Variants in CCDC171 observed in about 807,000 individuals in gnomAD.
CCDC171 encodes the protein coiled-coil domain-containing protein 171.
CCDC171 carries 177 observed loss-of-function variants against 168.2 expected under a neutral mutation model. That is an observed-to-expected ratio of 1.05 (90% CI 0.93 to 1.19). The LOEUF is 1.19. Among genes scored for constraint, CCDC171 ranks in the 50% most tolerant of loss-of-function variants. CCDC171 has a pLI of 0.00. For synonymous variants in CCDC171, 687 were observed against 540.8 expected (o/e 1.27, Z -3.75); for missense variants, 1,991 against 1,539.0 (o/e 1.29, Z -4.91).
rs925734688 is a variant in CCDC171 at position 15,825,036 on chromosome 9, C to G, written c.3268-21666C>G. On this transcript the variant is annotated intron_variant, in intron 21 of 25. Transcript: ENST00000380701. ...TTTTTACTTTTCTCCTGCTCTAACTCTCCCAAAGTTCCTCTTGTGGTATGG... is the reference window on the plus strand; with the variant it reads ...TTTTTACTTTTCTCCTGCTCTAACTGTCCCAAAGTTCCTCTTGTGGTATGG... Among the ~76,000 whole-genome samples the G allele has an allele frequency of 5.9e-5, 9 of 152,198 alleles. No individual in the cohort carries two copies. In the East Asian group the frequency reaches 1.7e-3, roughly 29 times the overall value.
chr9:16,102,393 C>T, the CCDC171 span, among the ~76,000 whole-genome samples: 1 of 151,166 alleles, frequency 6.6e-6, no homozygotes, highest in African/African-American at 2.4e-5. Flanking sequence ...GATGTAGTTG[C>T]TGGCTCGCTA....
chr9:16,090,895 G>A, the CCDC171 span, among the ~76,000 whole-genome samples: 2 of 152,304 alleles, frequency 1.3e-5, no homozygotes, highest in East Asian at 3.9e-4. Context: ...CAGGACAATA[G>A]GAGAAGTAAT....
rs575819016 is a variant in CCDC171 at position 15,904,200 on chromosome 9, G to C, written c.3601-16070G>C. Among the ~76,000 whole-genome samples the C allele has an allele frequency of 1.1e-4, 16 of 152,214 alleles. No individual in the cohort carries two copies. The East Asian group carries it at 2.9e-3, about 28-fold the overall frequency. On this transcript the variant is annotated intron_variant, in intron 24 of 25. Coordinates refer to ENST00000380701, the MANE Select transcript of CCDC171 (RefSeq NM_173550.4). Reference sequence around the variant, plus strand: ...ATGCCACAAAGATACTCCTCGAGAAGAGCAACTCCAAGACACATAATTGTC... The same window carrying C: ...ATGCCACAAAGATACTCCTCGAGAACAGCAACTCCAAGACACATAATTGTC...
At chr9:16,015,909 T>A (rs1833001810) in intron 3 of CCDC171, among the ~76,000 whole-genome samples, 1 of 152,244 alleles carries the variant, frequency 6.6e-6, no homozygotes, top group South Asian at 2.1e-4. Context: ...TAGCGTAATG[T>A]TTTCAAGGTT....
rs1833351038 is a variant in CCDC171, at chr9:16,030,619, T to A, written n.999-4838T>A. ...AGGAACATCTGTCTAGTACTGCTTC[T>A]CACCAGGAGGTCCCATGCTTGGTCA... On this transcript the variant is annotated intron_variant and non_coding_transcript_variant, in intron 6 of 9. Transcript: ENST00000486641. Among the ~76,000 whole-genome samples, 12 of 152,334 alleles carry A rather than the reference T, an allele frequency of 7.9e-5. No homozygotes were observed. In the South Asian group the frequency reaches 2.5e-3, roughly 32 times the overall value.
intron 3 of CCDC171, among the ~76,000 whole-genome samples, chr9:15,989,172 A>C (rs968136287): frequency 6.6e-6 from 1 of 152,204 alleles, no homozygotes; most frequent in Non-Finnish European, 1.5e-5. Flanking sequence ...ACTGGGAGGC[A>C]TCCCCCAGTA....
At chr9:16,014,882 G>A (rs1316225120) in intron 3 of CCDC171, among the ~76,000 whole-genome samples, 2 of 152,038 alleles carry the variant, frequency 1.3e-5, no homozygotes, top group African/African-American at 4.8e-5. Context: ...TAATTCTTAA[G>A]GGCCCTAGGA....
At chr9:15,594,596 T>C (rs2042210288) in intron 6 of CCDC171, among the ~76,000 whole-genome samples, 1 of 152,132 alleles carries the variant, frequency 6.6e-6, no homozygotes, top group Non-Finnish European at 1.5e-5. Flanking sequence ...CCTCCACCCC[T>C]GAAATACGCA....
intron 25 of CCDC171, among the ~76,000 whole-genome samples, chr9:15,963,074 T>C (rs1167574642): frequency 6.6e-6 from 1 of 152,142 alleles, no homozygotes; most frequent in Non-Finnish European, 1.5e-5. Flanking sequence ...CTGGTTTTAT[T>C]TTTAAAAAGT....
chr9:15,684,465 A>T (rs936041994), intron 10 of CCDC171, among the ~76,000 whole-genome samples: 1 of 151,918 alleles, frequency 6.6e-6, no homozygotes, highest in Non-Finnish European at 1.5e-5. Context: ...CTTTTTCCAT[A>T]GCAGATCAGC....
intron 18 of CCDC171, among the ~76,000 whole-genome samples, chr9:15,772,607 G>A (rs975859005): frequency 6.6e-6 from 1 of 152,214 alleles, no homozygotes; most frequent in African/African-American, 2.4e-5. Flanking sequence ...AGTGAAAGAT[G>A]TTCCTGTGAA....
chr9:15,911,806 TC>T (rs1254307912), intron 24 of CCDC171, among the ~76,000 whole-genome samples: 1 of 152,214 alleles, frequency 6.6e-6, no homozygotes, highest in Non-Finnish European at 1.5e-5. Context: ...AAATAGGGAA[TC>T]CTTTCCCCAT....
chr9:15,772,587 G>A (rs985296248), intron 18 of CCDC171, among the ~76,000 whole-genome samples: 24 of 152,202 alleles, frequency 1.6e-4, no homozygotes, highest in African/African-American at 5.8e-4. Flanking sequence ...AAAGAAAGTT[G>A]CATATAAATA....
chr9:16,026,258 G>T (rs183052662), intron 6 of CCDC171, among the ~76,000 whole-genome samples: 1 of 152,124 alleles, frequency 6.6e-6, no homozygotes, highest in Admixed American at 6.5e-5. Context: ...ACAGATACAC[G>T]TGGTGTTGGA....
At chr9:15,876,018 T>G (rs1366336269) in intron 24 of CCDC171, 1 of 152,102 alleles carries the variant, frequency 6.6e-6, no homozygotes, top group Non-Finnish European at 1.5e-5. Context: ...ACTTGGCTAT[T>G]TCAATTCAGA....
At chr9:15,648,584 A>G (rs900296362) in intron 7 of CCDC171, among the ~76,000 whole-genome samples, 7 of 152,228 alleles carry the variant, frequency 4.6e-5, no homozygotes, top group African/African-American at 1.7e-4. Flanking sequence ...AAAAATCACA[A>G]GCATTCTTAT....
At chr9:15,713,463 CT>C (rs1178268426) in intron 11 of CCDC171, among the ~76,000 whole-genome samples, 3 of 152,070 alleles carry the variant, frequency 2.0e-5, no homozygotes, top group African/African-American at 7.2e-5. Flanking sequence ...GCCTTCGGGA[CT>C]TTTATGCCAC....
intron 21 of CCDC171, among the ~76,000 whole-genome samples, chr9:15,830,967 A>ATT (rs2060204528): frequency 1.1e-5 from 1 of 89,698 alleles, no homozygotes; most frequent in South Asian, 4.4e-4. Flanking sequence ...GCCATATCTT[A>ATT]ATTTTTTTTT....
At chr9:15,747,991 A>G (rs1588274816) in intron 18 of CCDC171, among the ~76,000 whole-genome samples, 1 of 147,070 alleles carries the variant, frequency 6.8e-6, no homozygotes, top group Non-Finnish European at 1.5e-5. Context: ...CAAGGAAGCT[A>G]AAAACCTTGA....
Sources: gnomAD v4.1 joint callset for allele counts (sites outside exome capture counted in the v4.1 genomes callset) on GRCh38, gnomAD v4.1.1 for gene constraint, MANE v1.5 for transcripts, NCBI Gene and HGNC (gene_info 2026-07-23, HGNC 2026-07-21) for gene names.